The following SPIDR variants were observed in gnomAD, a reference collection of about 807,000 sequenced individuals.
SPIDR encodes the protein scaffold protein involved in DNA repair.
Under a neutral mutation model 104.6 loss-of-function variants are expected in SPIDR, and 93 were observed. The ratio of observed to expected loss-of-function variants is 0.89; its 90% confidence interval spans 0.75 to 1.06. The LOEUF is 1.06. Among genes scored for constraint, SPIDR ranks in the 50% least tolerant of loss-of-function variants. The pLI, the probability that SPIDR is intolerant of heterozygous loss-of-function variation, is 0.00. For synonymous variants in SPIDR, 431 were observed against 416.9 expected (o/e 1.03, Z -0.41); for missense variants, 1,154 against 1,111.2 (o/e 1.04, Z -0.55).
intron 8 of SPIDR, among the ~76,000 whole-genome samples, chr8:47,593,975 T>C (rs2061358552): frequency 6.6e-6 from 1 of 151,984 alleles, no homozygotes; most frequent in Non-Finnish European, 1.5e-5. Flanking sequence ...GAGTGTTGCT[T>C]GGTTACTACT....
At chr8:47,685,073 G>T (rs1189515335) in intron 11 of SPIDR, among the ~76,000 whole-genome samples, 1 of 152,174 alleles carries the variant, frequency 6.6e-6, no homozygotes, top group Non-Finnish European at 1.5e-5. Context: ...ATAGCCGGGC[G>T]TGGTGGCAGA....
intron 8 of SPIDR, among the ~76,000 whole-genome samples, chr8:47,565,852 G>T (rs1243101863): frequency 4.7e-5 from 7 of 148,542 alleles, no homozygotes; most frequent in Non-Finnish European, 8.9e-5. Context: ...GATATTAAAG[G>T]TTTAAAAATA....
chr8:47,592,965 C>T (rs998248729), intron 8 of SPIDR, among the ~76,000 whole-genome samples: 1 of 152,136 alleles, frequency 6.6e-6, no homozygotes, highest in African/African-American at 2.4e-5. Context: ...TGGCTCACCA[C>T]AACCTCCACC....
At chr8:47,283,012 C>A (rs1467206292) in intron 2 of SPIDR, among the ~76,000 whole-genome samples, 1 of 152,054 alleles carries the variant, frequency 6.6e-6, no homozygotes, top group Non-Finnish European at 1.5e-5. Flanking sequence ...CCCGCCACCA[C>A]GCCCAGCTAA....
intron 1 of SPIDR, among the ~76,000 whole-genome samples, chr8:47,265,859 G>A (rs139476906): frequency 0.011 from 1,662 of 152,260 alleles, 12 homozygotes; most frequent in Non-Finnish European, 0.019. Context: ...TTCACAGACA[G>A]CCATATTCTT....
intron 5 of SPIDR, among the ~76,000 whole-genome samples, chr8:47,363,199 C>CTTTTTTTT (rs34705214): frequency 1.0e-4 from 8 of 79,692 alleles, no homozygotes; most frequent in South Asian, 5.5e-4. Flanking sequence ...CTTTATCTCT[C>CTTTTTTTT]TTTTTTTTTT....
intron 8 of SPIDR, among the ~76,000 whole-genome samples, chr8:47,550,164 T>C (rs992526877): frequency 4.6e-5 from 7 of 152,224 alleles, no homozygotes; most frequent in African/African-American, 1.7e-4. Context: ...TTTTTGTTAC[T>C]GTAGCCTTGT....
chr8:47,422,410 C>T (rs782820351), intron 7 of SPIDR, among the ~76,000 whole-genome samples: 11 of 152,184 alleles, frequency 7.2e-5, no homozygotes, highest in Non-Finnish European at 1.5e-4. Flanking sequence ...CTCCGAGCCA[C>T]GTGCGGGATA....
At chr8:47,563,646 A>G (rs1249864925) in intron 8 of SPIDR, among the ~76,000 whole-genome samples, 1 of 152,220 alleles carries the variant, frequency 6.6e-6, no homozygotes, top group Non-Finnish European at 1.5e-5. Context: ...AATAAGACTT[A>G]GAATCTGCAA....
chr8:47,569,826 C>T (rs764545712), intron 8 of SPIDR, among the ~76,000 whole-genome samples: 4 of 152,076 alleles, frequency 2.6e-5, no homozygotes, highest in Non-Finnish European at 5.9e-5. Flanking sequence ...GAAAAATCAG[C>T]TGTATTTCTG....
At chr8:47,363,997 G>A (rs781813375) in intron 5 of SPIDR, among the ~76,000 whole-genome samples, 2 of 152,188 alleles carry the variant, frequency 1.3e-5, no homozygotes, top group South Asian at 2.1e-4. Flanking sequence ...TCATTTGAAG[G>A]TAGGATTCTT....
chr8:47,302,834 T>C (rs929858263), intron 5 of SPIDR, among the ~76,000 whole-genome samples: 1 of 152,304 alleles, frequency 6.6e-6, no homozygotes, highest in East Asian at 1.9e-4. Context: ...TACCTGGCCA[T>C]GTGAGGTGTC....
intron 8 of SPIDR, chr8:47,527,267 G>C (rs1004645810): frequency 5.3e-5 from 8 of 152,054 alleles, no homozygotes; most frequent in African/African-American, 1.7e-4. Flanking sequence ...CAGTTAACTT[G>C]GGGGGAAGGA....
chr8:47,466,299 G>A (rs1371038667), intron 8 of SPIDR, among the ~76,000 whole-genome samples: 2 of 152,172 alleles, frequency 1.3e-5, no homozygotes, highest in Non-Finnish European at 1.5e-5. Context: ...AAATGCAAAA[G>A]AAGTGAAATC....
chr8:47,598,881 C>T (rs2061932039), intron 9 of SPIDR, 65 bp from the exon 10 acceptor site: 1 of 1,597,838 alleles, frequency 6.3e-7, no homozygotes, highest in Non-Finnish European at 8.5e-7. Context: ...CAGCATGTTG[C>T]TTGTTGTTAG....
At chr8:47,333,857 A>G (rs185686996) in intron 5 of SPIDR, among the ~76,000 whole-genome samples, 2 of 152,324 alleles carry the variant, frequency 1.3e-5, no homozygotes, top group East Asian at 3.9e-4. Flanking sequence ...CCAGCGTTGT[A>G]TATGAGGTGT....
chr8:47,520,028 C>A (rs553497659), intron 8 of SPIDR, among the ~76,000 whole-genome samples: 1 of 152,144 alleles, frequency 6.6e-6, no homozygotes, highest in Non-Finnish European at 1.5e-5. Flanking sequence ...CATCCTGAAT[C>A]CTGTGGGAGG....
intron 5 of SPIDR, among the ~76,000 whole-genome samples, chr8:47,307,259 C>T (rs1386436865): frequency 3.3e-5 from 5 of 150,248 alleles, no homozygotes; most frequent in African/African-American, 7.4e-5. Context: ...GAGTCTCTAT[C>T]GCCCAGGCTG....
At chr8:47,377,394 T>C (rs990064738) in intron 5 of SPIDR, among the ~76,000 whole-genome samples, 1 of 152,142 alleles carries the variant, frequency 6.6e-6, no homozygotes, top group Non-Finnish European at 1.5e-5. Context: ...ATGACTGCAG[T>C]TTATTACAGC....
Sources: allele counts gnomAD v4.1 joint callset (sites outside exome capture counted in the v4.1 genomes callset), GRCh38; gene constraint gnomAD v4.1.1; transcripts MANE v1.5; gene names NCBI Gene and HGNC (gene_info 2026-07-23, HGNC 2026-07-21).